SPOCK1: variants seen among roughly 807,000 people sequenced by gnomAD.
SPOCK1 encodes testican-1.
Under a neutral mutation model 55.3 loss-of-function variants are expected in SPOCK1, and 23 were observed. That is an observed-to-expected ratio of 0.42 (90% CI 0.30 to 0.59). SPOCK1 has a LOEUF of 0.59. Ranked by LOEUF, SPOCK1 falls within the 20% of genes least tolerant of loss-of-function variation. SPOCK1 has a pLI of 0.22. For missense variants in SPOCK1, 499 were observed against 552.5 expected, an observed-to-expected ratio of 0.90 and a Z score of 0.97; for synonymous variants, 226 against 221.0, an observed-to-expected ratio of 1.02 and a Z score of -0.20.
chr5:137,056,654 G>A (rs1160500442), intron 6 of SPOCK1, among the ~76,000 whole-genome samples: 3 of 151,490 alleles, frequency 2.0e-5, no homozygotes, highest in Admixed American at 6.6e-5. Flanking sequence ...TCTTGGCTGC[G>A]GCTATGATCA....
chr5:137,370,170 C>T (rs1042684290), intron 2 of SPOCK1, among the ~76,000 whole-genome samples: 1 of 152,162 alleles, frequency 6.6e-6, no homozygotes, highest in Admixed American at 6.5e-5. Context: ...ATTCTGCACC[C>T]TTCTCACCCG....
intron 2 of SPOCK1, among the ~76,000 whole-genome samples, chr5:137,409,550 T>G (rs1752167987): frequency 6.6e-6 from 1 of 152,208 alleles, no homozygotes; most frequent in African/African-American, 2.4e-5. Context: ...ATAATGATAG[T>G]ACCCATCTCC....
intron 3 of SPOCK1, among the ~76,000 whole-genome samples, chr5:137,188,053 G>C (rs1030016591): frequency 9.9e-5 from 15 of 152,182 alleles, no homozygotes; most frequent in Admixed American, 8.5e-4. Flanking sequence ...GTGTAGAGAA[G>C]AGGAGTTACA....
chr5:137,467,765 T>G (rs983089169), intron 2 of SPOCK1, among the ~76,000 whole-genome samples: 5 of 152,176 alleles, frequency 3.3e-5, no homozygotes, highest in African/African-American at 9.7e-5. Context: ...TTATGAAGAC[T>G]GTGAGGTTGA....
intron 2 of SPOCK1, among the ~76,000 whole-genome samples, chr5:137,393,026 G>A (rs559157606): frequency 6.6e-6 from 1 of 152,200 alleles, no homozygotes; most frequent in South Asian, 2.1e-4. Context: ...CCAACATCCA[G>A]TGCTTTCTCC....
At chr5:137,211,758 C>T (rs572001587) in intron 3 of SPOCK1, among the ~76,000 whole-genome samples, 9 of 152,092 alleles carry the variant, frequency 5.9e-5, no homozygotes, top group Non-Finnish European at 1.3e-4. Flanking sequence ...TGATCAATCA[C>T]GCCTATGTAA....
intron 2 of SPOCK1, among the ~76,000 whole-genome samples, chr5:137,301,676 C>T (rs1373854091): frequency 8.5e-6 from 1 of 117,552 alleles, no homozygotes; most frequent in Admixed American, 1.1e-4. Flanking sequence ...TCATTTTGGG[C>T]AAGGACTACT....
At chr5:137,167,635 TG>T (rs35609866) in intron 3 of SPOCK1, among the ~76,000 whole-genome samples, 35,471 of 151,732 alleles carry the variant, frequency 0.23, 4,486 homozygotes, top group Non-Finnish European at 0.28. Flanking sequence ...CTGACCACAA[TG>T]GAATAAAACT....
chr5:137,263,006 C>T (rs1756778366), intron 3 of SPOCK1, among the ~76,000 whole-genome samples: 1 of 152,150 alleles, frequency 6.6e-6, no homozygotes, highest in Non-Finnish European at 1.5e-5. Context: ...GATTTAGAAT[C>T]AGAGAAGTTA....
At chr5:136,985,367 T>G (rs1750819059) in intron 8 of SPOCK1, among the ~76,000 whole-genome samples, 165 bp from the exon 9 acceptor site, 1 of 152,216 alleles carries the variant, frequency 6.6e-6, no homozygotes, top group African/African-American at 2.4e-5. Context: ...TTAGTGTTAC[T>G]AGTTAAAAAA....
In SPOCK1 at chr5:137,155,862, C is replaced by T. The variant is rs544358072; in HGVS notation, c.233-15168G>A. 3.9e-5 allele frequency among the ~76,000 whole-genome samples: 6 copies of T among 152,326 alleles called. No homozygotes were observed. The East Asian group carries it at 1.2e-3, about 29-fold the overall frequency. On this transcript the variant is annotated intron_variant, in intron 3 of 10. Coordinates refer to ENST00000394945, the MANE Select transcript of SPOCK1 (RefSeq NM_004598.4). ...AGGCCCTTGATGCCTGTTCAAAGCCCTGTTAGAGGGCAGACCCACTGGGCG... is the reference window on the plus strand; with the variant it reads ...AGGCCCTTGATGCCTGTTCAAAGCCTTGTTAGAGGGCAGACCCACTGGGCG...
chr5:137,474,750 A>G (rs1014488040), intron 2 of SPOCK1, among the ~76,000 whole-genome samples: 1 of 152,226 alleles, frequency 6.6e-6, no homozygotes, highest in Admixed American at 6.5e-5. Context: ...GATGTCCATG[A>G]CAACACACTG....
At chr5:137,207,713 T>G (rs1375609719) in intron 3 of SPOCK1, among the ~76,000 whole-genome samples, 1 of 152,168 alleles carries the variant, frequency 6.6e-6, no homozygotes, top group Non-Finnish European at 1.5e-5. Context: ...CTGGGCCCTG[T>G]GCTAGATGCT....
chr5:137,320,915 T>C (rs1757971987), intron 2 of SPOCK1, among the ~76,000 whole-genome samples: 1 of 151,940 alleles, frequency 6.6e-6, no homozygotes, highest in Admixed American at 6.6e-5. Flanking sequence ...CAGAAATTGG[T>C]CCTAAAGAAA....
chr5:137,276,690 T>C (rs1158299278), intron 2 of SPOCK1, among the ~76,000 whole-genome samples: 1 of 152,222 alleles, frequency 6.6e-6, no homozygotes, highest in Non-Finnish European at 1.5e-5. Flanking sequence ...TGGAGGTTTC[T>C]GAGGAAGGTG....
chr5:137,126,600 TAA>T, intron 4 of SPOCK1, among the ~76,000 whole-genome samples: 2 of 152,122 alleles, frequency 1.3e-5, no homozygotes, highest in East Asian at 3.9e-4. Flanking sequence ...CCATCTCTAC[TAA>T]AAATACAAAA....
intron 2 of SPOCK1, among the ~76,000 whole-genome samples, chr5:137,270,109 G>C (rs959923311): frequency 7.2e-5 from 11 of 152,156 alleles, no homozygotes; most frequent in African/African-American, 2.7e-4. Context: ...AGCTGACAAA[G>C]TGCAGGACAT....
chr5:137,287,811 G>A (rs932731499), intron 2 of SPOCK1, among the ~76,000 whole-genome samples: 6 of 152,178 alleles, frequency 3.9e-5, no homozygotes, highest in South Asian at 2.1e-4. Flanking sequence ...AATGCAATGT[G>A]GAAAATTACC....
At chr5:137,397,711 C>T (rs1751883998) in intron 2 of SPOCK1, among the ~76,000 whole-genome samples, 1 of 152,136 alleles carries the variant, frequency 6.6e-6, no homozygotes, top group Admixed American at 6.5e-5. Context: ...GTCACTTACC[C>T]TCTCTGAGAT....
Sources: gnomAD v4.1 joint callset for allele counts (sites outside exome capture counted in the v4.1 genomes callset) on GRCh38, gnomAD v4.1.1 for gene constraint, MANE v1.5 for transcripts, NCBI Gene and HGNC (gene_info 2026-07-23, HGNC 2026-07-21) for gene names.